The following RBM33 variants were observed in gnomAD, a reference collection of about 807,000 sequenced individuals.
RBM33 encodes RNA binding motif protein 33, also known as RNA-binding protein 33.
In RBM33, 28 loss-of-function variants were observed where a neutral mutation model predicts 132.6. The ratio of observed to expected loss-of-function variants is 0.21; its 90% CI spans 0.16 to 0.29. The LOEUF (loss-of-function observed/expected upper bound fraction) is 0.29, where lower values mean the gene tolerates loss of function less well. Among genes scored for constraint, RBM33 ranks in the 10% least tolerant of loss-of-function variants. The probability of loss-of-function intolerance (pLI) is 1.00; values close to 1 mark genes in which losing one functional copy is unlikely to be tolerated. For synonymous variants in RBM33, 634 were observed against 593.0 expected, an observed-to-expected ratio of 1.07 and a Z score of -1.01; for missense variants, 1,291 against 1,518.5, an observed-to-expected ratio of 0.85 and a Z score of 2.49.
chr7:155,683,268 G>A (rs944422590), intron 5 of RBM33, among the ~76,000 whole-genome samples: 3 of 152,176 alleles, frequency 2.0e-5, no homozygotes, highest in Non-Finnish European at 4.4e-5. Context: ...TATCTTGCTC[G>A]GCAATGGGAG....
intron 3 of RBM33, among the ~76,000 whole-genome samples, chr7:155,674,669 CT>C (rs974322374): frequency 2.0e-5 from 3 of 152,192 alleles, no homozygotes; most frequent in African/African-American, 7.2e-5. Context: ...GTAATGCTGA[CT>C]GTTCTGGGGG....
At chr7:155,735,530 C>A (rs1437502305) in intron 9 of RBM33, among the ~76,000 whole-genome samples, 267 of 152,178 alleles carry the variant, frequency 1.8e-3, no homozygotes, top group African/African-American at 5.0e-3. Context: ...CATAGCAAGA[C>A]CCTGCCTCTA....
intron 5 of RBM33, chr7:155,684,859 A>G (rs1460799394): frequency 2.0e-6 from 3 of 1,465,656 alleles, no homozygotes; most frequent in Non-Finnish European, 2.7e-6. Flanking sequence ...ATGAATCATA[A>G]AGACGAAAAG....
In RBM33 at chr7:155,776,511, C is replaced by T. The variant is rs1802617440; in HGVS notation, c.*1470C>T. The T allele has an allele frequency of 6.6e-6, 1 of 152,204 alleles. No homozygotes were observed. Among genetic ancestry groups the T allele is most frequent in the Non-Finnish European group, 1.5e-5 (1 of 68,030 alleles). 9.4% of individuals were successfully genotyped at this position (152,204 alleles called of 1,614,324 possible). A position where few individuals can be genotyped will look rare whatever the true frequency, so the allele number is the denominator to read the frequency against. Reference sequence around the variant, plus strand: ...ATATTACTTTCTCAAATTAAGTTACCAAAACAAACTGAAGAGCTGAAGCAG... The same window carrying T: ...ATATTACTTTCTCAAATTAAGTTACTAAAACAAACTGAAGAGCTGAAGCAG... On this transcript the variant is annotated 3_prime_UTR_variant, in exon 18 of 18. Transcript: ENST00000401878. This position sits in a 1 kb window ranked among gnomAD's most constrained non-coding sequence, Gnocchi z 4.0.
chr7:155,741,229 C>T (rs942841148), intron 12 of RBM33, among the ~76,000 whole-genome samples: 2 of 151,966 alleles, frequency 1.3e-5, no homozygotes, highest in Admixed American at 6.5e-5. Flanking sequence ...CCCCCCTCCC[C>T]CCTTCCAGCT....
chr7:155,681,832 A>G (rs151224632), intron 5 of RBM33, among the ~76,000 whole-genome samples: 71 of 152,322 alleles, frequency 4.7e-4, no homozygotes, highest in Non-Finnish European at 7.8e-4. Context: ...AATTGTGGTC[A>G]TGTGTATGAG....
At chr7:155,698,995 C>T (rs894415467) in intron 5 of RBM33, among the ~76,000 whole-genome samples, 1 of 152,194 alleles carries the variant, frequency 6.6e-6, no homozygotes, top group African/African-American at 2.4e-5. Flanking sequence ...GGTATCATTT[C>T]TCTAGGGTAA....
intron 9 of RBM33, among the ~76,000 whole-genome samples, chr7:155,729,549 T>G (rs1800892487): frequency 6.6e-6 from 1 of 152,014 alleles, no homozygotes; most frequent in Non-Finnish European, 1.5e-5. Flanking sequence ...CTAGCCTGGG[T>G]AACATAGTGA....
At chr7:155,673,481 T>C (rs891697031) in intron 3 of RBM33, among the ~76,000 whole-genome samples, 2 of 149,518 alleles carry the variant, frequency 1.3e-5, no homozygotes, top group Non-Finnish European at 1.5e-5. Flanking sequence ...CATACACGTG[T>C]GTATATATAT....
intron 3 of RBM33, among the ~76,000 whole-genome samples, chr7:155,673,775 C>G (rs1216797800): frequency 1.4e-5 from 2 of 144,514 alleles, no homozygotes; most frequent in Non-Finnish European, 3.0e-5. Context: ...CGCGCACACA[C>G]ACACACACAC....
intron 1 of RBM33, among the ~76,000 whole-genome samples, chr7:155,651,677 G>T (rs1375993105): frequency 6.6e-6 from 1 of 151,664 alleles, no homozygotes; most frequent in African/African-American, 2.4e-5. Flanking sequence ...CATCCAGTAG[G>T]CTGAGCTCAG....
At chr7:155,767,444 G>C (rs1171730640) in intron 16 of RBM33, among the ~76,000 whole-genome samples, 1 of 152,244 alleles carries the variant, frequency 6.6e-6, no homozygotes, top group Non-Finnish European at 1.5e-5. Context: ...TCAGAGTTCT[G>C]AGGAGTCCAA....
chr7:155,677,785 T>C lies in RBM33; in HGVS notation c.172-823T>C. ...GTTCACCTTTAAGAAGAAAAGCAAG[T>C]TGATTTTTCTGTCTTTACTTTTTAA... On this transcript the variant is annotated intron_variant, in intron 3 of 17. Transcript: ENST00000401878. Among the ~76,000 whole-genome samples the C allele has an allele frequency of 1.3e-5, 2 of 152,184 alleles. 1 individual carries two copies. The highest frequency in any genetic ancestry group is 1.3e-4 in the Admixed American group (2 of 15,278).
intron 5 of RBM33, among the ~76,000 whole-genome samples, chr7:155,693,281 G>A (rs938810827): frequency 5.9e-5 from 9 of 151,926 alleles, no homozygotes; most frequent in African/African-American, 2.2e-4. Context: ...CTTGAATTTG[G>A]AAGGCAAAGA....
At chr7:155,710,725 G>A (rs1800257492) in intron 7 of RBM33, among the ~76,000 whole-genome samples, 1 of 152,004 alleles carries the variant, frequency 6.6e-6, no homozygotes, top group Admixed American at 6.5e-5. Context: ...GAGGCTCTTT[G>A]TGGCCCTGTC....
chr7:155,725,211 T>G (rs1047876726), intron 9 of RBM33, among the ~76,000 whole-genome samples: 3 of 93,122 alleles, frequency 3.2e-5, no homozygotes, highest in Non-Finnish European at 6.4e-5. Context: ...TTGTTTTTTT[T>G]TTTTTTTTTT....
chr7:155,736,220 G>T (rs538604638), intron 9 of RBM33, among the ~76,000 whole-genome samples: 1 of 152,202 alleles, frequency 6.6e-6, no homozygotes, highest in Non-Finnish European at 1.5e-5. Context: ...CATTTTCAGT[G>T]TTAGAAAATG....
chr7:155,749,454 AC>A (rs746297824), intron 14 of RBM33, among the ~76,000 whole-genome samples: 11 of 152,162 alleles, frequency 7.2e-5, no homozygotes, highest in Non-Finnish European at 1.3e-4. Flanking sequence ...GCTGAATCTT[AC>A]GCTCTTCACC....
At chr7:155,755,011 C>T (rs1237646579) in intron 14 of RBM33, among the ~76,000 whole-genome samples, 1 of 152,144 alleles carries the variant, frequency 6.6e-6, no homozygotes, top group Non-Finnish European at 1.5e-5. Flanking sequence ...TTTTCTTTTA[C>T]CCCCTCTTCT....
Sources: allele counts gnomAD v4.1 joint callset (sites outside exome capture counted in the v4.1 genomes callset), GRCh38; gene constraint gnomAD v4.1.1; non-coding constraint Gnocchi (gnomAD v3.1); transcripts MANE v1.5; gene names NCBI Gene and HGNC (gene_info 2026-07-23, HGNC 2026-07-21).